IQCJ: variants seen among roughly 807,000 people sequenced by gnomAD.
IQCJ encodes IQ motif containing J.
Under a neutral mutation model 11.0 loss-of-function variants are expected in IQCJ, and 9 were observed. The observed-to-expected ratio is 0.82, with a 90% CI of 0.49 to 1.43. IQCJ has a LOEUF of 1.43. Among genes scored for constraint, IQCJ ranks in the 40% most tolerant of loss-of-function variants. The pLI is 0.00. For synonymous variants in IQCJ, 55 were observed against 51.3 expected, an observed-to-expected ratio of 1.07 and a Z score of -0.31; for missense variants, 146 against 133.2, an observed-to-expected ratio of 1.10 and a Z score of -0.47.
At chr3:159,153,735 G>C (rs1330177292) in intron 1 of IQCJ, among the ~76,000 whole-genome samples, 1 of 152,180 alleles carries the variant, frequency 6.6e-6, no homozygotes, top group African/African-American at 2.4e-5. Flanking sequence ...TCTGTCTCAA[G>C]TTTCCATTTC....
intron 1 of IQCJ, among the ~76,000 whole-genome samples, chr3:159,235,270 T>C (rs1726510484): frequency 6.6e-6 from 1 of 152,220 alleles, no homozygotes. Context: ...TGAATTAACA[T>C]TGAGCAAAGA....
intron 1 of IQCJ, among the ~76,000 whole-genome samples, chr3:159,168,808 T>TA (rs376629812): frequency 0.04 from 5,875 of 147,906 alleles, 366 homozygotes; most frequent in African/African-American, 0.14. Flanking sequence ...AGCCATATGT[T>TA]AAAAAAAAAA....
intron 1 of IQCJ, among the ~76,000 whole-genome samples, chr3:159,146,279 A>G (rs749617014): frequency 2.6e-5 from 4 of 152,142 alleles, no homozygotes; most frequent in African/African-American, 4.8e-5. Context: ...GAGGGTAAGA[A>G]GGCTTTGGAA....
chr3:159,121,190 G>A (rs367965603), intron 1 of IQCJ, among the ~76,000 whole-genome samples: 1 of 150,028 alleles, frequency 6.7e-6, no homozygotes, highest in Non-Finnish European at 1.5e-5. Context: ...CTGAAGTTCA[G>A]TGGCATGATC....
chr3:159,243,621 A>G (rs1450720626), intron 1 of IQCJ, among the ~76,000 whole-genome samples: 1 of 152,222 alleles, frequency 6.6e-6, no homozygotes, highest in East Asian at 1.9e-4. Flanking sequence ...AATTGATTGT[A>G]AAGGGGAACA....
rs374611079 is a variant in IQCJ, at chr3:159,193,796, G to A, written c.10-52047G>A. On this transcript the variant is annotated intron_variant, in intron 1 of 3. Transcript: ENST00000397832. ...TCACTGGTCCTTTTCACTGGCAGGC[G>A]GGACGTTGGTCAGCAGTGAAATCTA... 5.8e-4 allele frequency among the ~76,000 whole-genome samples: 89 copies of A among 152,206 alleles called. 1 individual carries two copies. The South Asian group carries it at 0.01, about 18-fold the overall frequency.
At chr3:159,069,464 C>T (rs774118998) in intron 1 of IQCJ, 23 bp downstream of exon 1, 18 of 1,607,150 alleles carry the variant, frequency 1.1e-5, no homozygotes, top group Admixed American at 5.1e-5. Flanking sequence ...CTTTTCTAAA[C>T]GTGCCACTTT....
At position 159,169,291 on chromosome 3, in the gene IQCJ, T is replaced by C. The variant is rs1039130236; in HGVS notation, c.10-76552T>C. 1.7e-4 allele frequency among the ~76,000 whole-genome samples: 24 copies of C among 144,738 alleles called. No individual in the cohort carries two copies. In the East Asian group the frequency reaches 3.0e-3, roughly 18 times the overall value. 95.0% of individuals were successfully genotyped at this position (144,738 alleles called of 152,430 possible). ...TCTTTCTTTCTTTCTTTTTTTTTTTTTTTTTTTTTTTGATGGAGTTTTTGC... is the reference window on the plus strand; with the variant it reads ...TCTTTCTTTCTTTCTTTTTTTTTTTCTTTTTTTTTTTGATGGAGTTTTTGC... On this transcript the variant is annotated intron_variant, in intron 1 of 3. Transcript: ENST00000397832.
chr3:159,265,291 G>C, downstream of IQCJ: 7 of 1,613,880 alleles, frequency 4.3e-6, no homozygotes, highest in Non-Finnish European at 5.9e-6. Context: ...AAGTTGCCTG[G>C]TGGAAGGAAG....
intron 1 of IQCJ, among the ~76,000 whole-genome samples, chr3:159,238,802 A>G (rs1414764966): frequency 1.3e-5 from 2 of 152,008 alleles, no homozygotes; most frequent in Non-Finnish European, 2.9e-5. Context: ...GAGTTCTGGG[A>G]TTTTGTTATG....
Position 159,176,429 on chromosome 3 carries a change from TAC to T in IQCJ, c.10-69412_10-69411del, listed in dbSNP as rs376851711. On this transcript the variant is annotated intron_variant, in intron 1 of 3. Coordinates refer to ENST00000397832, the MANE Select transcript of IQCJ (RefSeq NM_001042706.3). ...TAAAACCCAATATTTAATTATTAAA[TAC>T]ATATCTTACTACACTTAACAGTGAT... Among the ~76,000 whole-genome samples, 64 of 152,284 alleles carry T rather than the reference TAC, an allele frequency of 4.2e-4. No homozygotes were observed. The East Asian group carries it at 0.01, about 24-fold the overall frequency.
At chr3:159,226,103 G>C (rs1725839519) in intron 1 of IQCJ, among the ~76,000 whole-genome samples, 1 of 152,176 alleles carries the variant, frequency 6.6e-6, no homozygotes, top group Non-Finnish European at 1.5e-5. Flanking sequence ...GTGTTCACCA[G>C]CCCTTCACAC....
rs200957112 is a variant in IQCJ at position 159,262,669 on chromosome 3, G to C, written c.277G>C (p.Asp93His). 1.7e-5 allele frequency: 27 copies of C among 1,613,912 alleles called. No individual in the cohort carries two copies. The highest frequency in any genetic ancestry group is 2.2e-5 in the Non-Finnish European group (26 of 1,179,844). The change falls in exon 4 of 4, where the codon GAC becomes CAC. Residue 93 changes from aspartate to histidine, a missense_variant. By Grantham distance (81) the Asp-to-His change is moderately conservative (BLOSUM62 -1). Coordinates refer to ENST00000397832, the MANE Select transcript of IQCJ (RefSeq NM_001042706.3). Reference protein sequence around the residue: ...SSSVSMNTFSDSSTPVSVMFL... With the variant: ...SSSVSMNTFSHSSTPVSVMFL... ...CTCTGTCAGCATGAACACCTTCTCC[G>C]ACAGCAGCACACCCGTGAGTGTCAT...
At chr3:159,145,879 TG>T (rs1449629639) in intron 1 of IQCJ, among the ~76,000 whole-genome samples, 1 of 152,158 alleles carries the variant, frequency 6.6e-6, no homozygotes, top group Non-Finnish European at 1.5e-5. Context: ...GATCATAACC[TG>T]GAACAGGATG....
chr3:159,085,148 A>C (rs148717876), intron 1 of IQCJ, among the ~76,000 whole-genome samples: 7,254 of 150,754 alleles, frequency 0.048, 544 homozygotes, highest in African/African-American at 0.17. Context: ...ATTCCCACCT[A>C]TTAGTGAGAA....
At chr3:159,153,287 G>C (rs139848702) in intron 1 of IQCJ, among the ~76,000 whole-genome samples, 103 of 152,220 alleles carry the variant, frequency 6.8e-4, no homozygotes, top group African/African-American at 2.4e-3. Context: ...TCCTGTAGGA[G>C]CTCTGTTAGC....
Position 159,136,245 on chromosome 3 carries a change from C to A in IQCJ, c.9+66804C>A, listed in dbSNP as rs115137158. On this transcript the variant is annotated intron_variant, in intron 1 of 3. Transcript: ENST00000397832. ...CCCTGAGAAAAAACAATATTATCCCCATTTTATAGATTATGTAGTACAGTT... is the reference window on the plus strand; with the variant it reads ...CCCTGAGAAAAAACAATATTATCCCAATTTTATAGATTATGTAGTACAGTT... 5.1e-3 allele frequency among the ~76,000 whole-genome samples: 776 copies of A among 152,216 alleles called. 2 individuals are homozygous for A. Among genetic ancestry groups the A allele is most frequent in the African/African-American group, 0.018 (732 of 41,532 alleles).
intron 1 of IQCJ, among the ~76,000 whole-genome samples, chr3:159,154,428 G>T (rs1181785549): frequency 4.6e-5 from 7 of 152,100 alleles, no homozygotes; most frequent in African/African-American, 1.7e-4. Context: ...AATTATTTAT[G>T]AATCTTTTTT....
chr3:159,076,082 C>G (rs1220837684), intron 1 of IQCJ, among the ~76,000 whole-genome samples: 1 of 152,084 alleles, frequency 6.6e-6, no homozygotes, highest in East Asian at 1.9e-4. Flanking sequence ...GAACCAGCAC[C>G]AAACCTATTT....
Sources: gnomAD v4.1 joint callset for allele counts (sites outside exome capture counted in the v4.1 genomes callset) on GRCh38, gnomAD v4.1.1 for gene constraint, MANE v1.5 for transcripts, NCBI Gene and HGNC (gene_info 2026-07-23, HGNC 2026-07-21) for gene names.